The following PRORP variants were observed in gnomAD, a reference collection of about 807,000 sequenced individuals.
PRORP encodes the protein mitochondrial ribonuclease P catalytic subunit.
A neutral mutation model predicts 59.4 loss-of-function variants in PRORP; 51 were observed. The observed-to-expected ratio is 0.86, with a 90% CI of 0.69 to 1.08. PRORP has a LOEUF of 1.08. Ranked by LOEUF, PRORP falls within the 50% of genes least tolerant of loss-of-function variation. The pLI is 0.00. For missense variants in PRORP, 646 were observed against 690.3 expected, an observed-to-expected ratio of 0.94 and a Z score of 0.72; for synonymous variants, 231 against 245.6, an observed-to-expected ratio of 0.94 and a Z score of 0.55.
At chr14:35,234,181 C>T (rs2050148564) in intron 5 of PRORP, among the ~76,000 whole-genome samples, 1 of 152,156 alleles carries the variant, frequency 6.6e-6, no homozygotes, top group Non-Finnish European at 1.5e-5. Context: ...AGTATGTTTA[C>T]TTGCACGTCA....
chr14:35,219,089 T>C (rs1427851394), intron 5 of PRORP: 1 of 152,204 alleles, frequency 6.6e-6, no homozygotes, highest in African/African-American at 2.4e-5. Context: ...ACAGGAGAAC[T>C]TGGAAGTGTT....
At chr14:35,197,609 G>C (rs1314212989) in intron 5 of PRORP, among the ~76,000 whole-genome samples, 1 of 152,072 alleles carries the variant, frequency 6.6e-6, no homozygotes, top group African/African-American at 2.4e-5. Context: ...TCAGATCTTA[G>C]ATTTCTTTTG....
chr14:35,155,664 G>A (rs1473012383), intron 4 of PRORP, among the ~76,000 whole-genome samples: 2 of 150,994 alleles, frequency 1.3e-5, no homozygotes, highest in African/African-American at 2.4e-5. Flanking sequence ...TGATTTTCAT[G>A]CAGAAGCAAC....
chr14:35,224,441 T>C (rs2049880192), intron 5 of PRORP, among the ~76,000 whole-genome samples: 1 of 152,188 alleles, frequency 6.6e-6, no homozygotes, highest in African/African-American at 2.4e-5. Flanking sequence ...TGGGAACTAC[T>C]ACCAGTTCCC....
chr14:35,233,060 A>C (rs1398422671), intron 5 of PRORP, among the ~76,000 whole-genome samples: 1 of 152,166 alleles, frequency 6.6e-6, no homozygotes, highest in Non-Finnish European at 1.5e-5. Flanking sequence ...AGTTTTAAGA[A>C]ATCCATCTCT....
chr14:35,273,146 C>G (rs756649617), intron 7 of PRORP, among the ~76,000 whole-genome samples: 3 of 152,112 alleles, frequency 2.0e-5, no homozygotes, highest in Non-Finnish European at 2.9e-5. Context: ...AAATTTTTCA[C>G]TCTCACACAC....
chr14:35,183,172 TTGTGTG>T (rs139052806), intron 5 of PRORP, among the ~76,000 whole-genome samples: 3 of 152,000 alleles, frequency 2.0e-5, no homozygotes, highest in African/African-American at 7.2e-5. Context: ...TTAGATAAGT[TTGTGTG>T]TGTATGCCCA....
intron 5 of PRORP, among the ~76,000 whole-genome samples, chr14:35,187,286 G>A (rs2048764334): frequency 6.6e-6 from 1 of 152,154 alleles, no homozygotes; most frequent in Admixed American, 6.6e-5. Flanking sequence ...TGTGTATAAA[G>A]GTTCCAATGT....
intron 5 of PRORP, among the ~76,000 whole-genome samples, chr14:35,236,098 A>G (rs1214843028): frequency 9.4e-6 from 1 of 106,810 alleles, no homozygotes; most frequent in African/African-American, 5.1e-5. Flanking sequence ...CCCATCTCCA[A>G]AAAAAAAAAA....
At chr14:35,213,906 A>G (rs1171256935) in intron 5 of PRORP, among the ~76,000 whole-genome samples, 1 of 152,232 alleles carries the variant, frequency 6.6e-6, no homozygotes, top group Non-Finnish European at 1.5e-5. Context: ...CTGTTGGAAA[A>G]ATGGTACTAA....
intron 5 of PRORP, among the ~76,000 whole-genome samples, chr14:35,237,909 C>T (rs2138527667): frequency 6.6e-6 from 1 of 152,288 alleles, no homozygotes; most frequent in South Asian, 2.1e-4. Context: ...CCACCTCGGC[C>T]TCCCAAAGTG....
upstream of PRORP, chr14:35,122,053 G>C: frequency 7.1e-7 from 1 of 1,400,992 alleles, no homozygotes; most frequent in Non-Finnish European, 1.0e-6. Context: ...CCCCGTAAAG[G>C]TTAGGAAGGC....
intron 5 of PRORP, among the ~76,000 whole-genome samples, chr14:35,210,340 A>G (rs944885754): frequency 2.0e-5 from 3 of 152,222 alleles, no homozygotes; most frequent in African/African-American, 7.2e-5. Flanking sequence ...ATTTTGGATC[A>G]TGAATATGTT....
rs953891812 is a variant in PRORP, at chr14:35,269,822, C to T, written c.1425-579C>T. Reference sequence around the variant, plus strand: ...GGTCGTTACTGCCATTTTTACAGCACATTTATTAAAATAATAAGTGCTAAG... The same window carrying T: ...GGTCGTTACTGCCATTTTTACAGCATATTTATTAAAATAATAAGTGCTAAG... On this transcript the variant is annotated intron_variant, in intron 6 of 7. Transcript: ENST00000534898. 1.0e-3 allele frequency among the ~76,000 whole-genome samples: 155 copies of T among 152,228 alleles called. 2 individuals are homozygous for T. Among genetic ancestry groups the T allele is most frequent in the East Asian group, 5.8e-4 (3 of 5,182 alleles).
At position 35,123,242 on chromosome 14, in the gene PRORP, C is replaced by G; in HGVS notation, c.-4C>G. On this transcript the variant is annotated 5_prime_UTR_variant, in exon 2 of 8. Coordinates refer to ENST00000534898, the MANE Select transcript of PRORP (RefSeq NM_014672.4). ...TCACTATCTGGTGCTGATCTCACTG[C>G]ATAATGACTTTCTATTTGTTTGGTA... 6.2e-7 allele frequency: 1 copy of G among 1,605,014 alleles called. No homozygotes were observed. Among genetic ancestry groups the G allele is most frequent in the South Asian group, 1.1e-5 (1 of 90,956 alleles).
At chr14:35,242,548 T>C (rs952936639) in intron 5 of PRORP, among the ~76,000 whole-genome samples, 2 of 152,212 alleles carry the variant, frequency 1.3e-5, no homozygotes, top group African/African-American at 4.8e-5. Flanking sequence ...AGACCACTGA[T>C]AAGAGTGTAG....
chr14:35,242,132 C>T (rs1416198370), intron 5 of PRORP, among the ~76,000 whole-genome samples: 1 of 152,130 alleles, frequency 6.6e-6, no homozygotes, highest in Non-Finnish European at 1.5e-5. Context: ...TTATGTCTGT[C>T]TTCCTACTAT....
At chr14:35,201,704 G>A (rs2049154678) in intron 5 of PRORP, among the ~76,000 whole-genome samples, 2 of 151,728 alleles carry the variant, frequency 1.3e-5, no homozygotes, top group Non-Finnish European at 2.9e-5. Context: ...GTGCAGTGGT[G>A]CGATCTTGCA....
At chr14:35,266,624 A>G (rs1043773484) in intron 5 of PRORP, 103 bp from the exon 6 acceptor site, 4 of 1,213,788 alleles carry the variant, frequency 3.3e-6, no homozygotes, top group African/African-American at 1.5e-5. Context: ...ACCCCCTACC[A>G]GAAAAGAGTG....
Sources: gnomAD v4.1 joint callset for allele counts (sites outside exome capture counted in the v4.1 genomes callset) on GRCh38, gnomAD v4.1.1 for gene constraint, MANE v1.5 for transcripts, NCBI Gene and HGNC (gene_info 2026-07-23, HGNC 2026-07-21) for gene names.